ZNF385C: variants seen among roughly 807,000 people sequenced by gnomAD.
ZNF385C encodes the protein zinc finger protein 385C, also known as CTD-2132N18.2.
Under a neutral mutation model 35.4 loss-of-function variants are expected in ZNF385C, and 28 were observed. The ratio of observed to expected loss-of-function variants is 0.79; its 90% confidence interval spans 0.59 to 1.08. The LOEUF (loss-of-function observed/expected upper bound fraction) is 1.08, where lower values mean the gene tolerates loss of function less well. Among genes scored for constraint, ZNF385C ranks in the 50% least tolerant of loss-of-function variants. ZNF385C has a pLI of 0.00. For missense variants in ZNF385C, 605 were observed against 595.6 expected (o/e 1.02, Z -0.16); for synonymous variants, 248 against 248.2 (o/e 1.00, Z 0.01).
intron 2 of ZNF385C, chr17:42,042,965 T>C (rs2053060403): frequency 8.1e-7 from 1 of 1,232,402 alleles, no homozygotes. Flanking sequence ...TCCTTTGCCA[T>C]GCAGTACACA....
chr17:42,093,877 A>C (rs2053889249), intron 1 of ZNF385C, among the ~76,000 whole-genome samples: 2 of 150,298 alleles, frequency 1.3e-5, no homozygotes, highest in Admixed American at 6.6e-5. Context: ...GAGCCACTGC[A>C]CTCGGCCCAT....
chr17:42,037,727 C>T lies in ZNF385C; in HGVS notation c.399+10G>A. 6 of 1,520,066 alleles carry T rather than the reference C, an allele frequency of 3.9e-6. No homozygotes were observed. Among genetic ancestry groups the T allele is most frequent in the Non-Finnish European group, 4.4e-6 (5 of 1,133,084 alleles). 94.2% of individuals were successfully genotyped at this position (1,520,066 alleles called of 1,614,324 possible). On this transcript the variant is annotated intron_variant, in intron 3 of 8. Coordinates refer to ENST00000692273, the MANE Select transcript of ZNF385C (RefSeq NM_001392013.1). ...GTGTGCATGCCCCCACCCGCCAGCC[C>T]AGCCCATACCGTGCTGAAGTTGGGG... is the stretch of plus-strand genomic sequence containing the variant.
rs1051320127 is a variant in ZNF385C at position 42,062,831 on chromosome 17, A to G, written c.226T>C (p.Leu76=). The G allele has an allele frequency of 6.5e-6, 4 of 614,098 alleles. No homozygotes were observed. Among genetic ancestry groups the G allele is most frequent in the African/African-American group, 1.9e-5 (1 of 53,678 alleles). 38.0% of individuals were successfully genotyped at this position (614,098 alleles called of 1,614,324 possible). Residue 76 remains leucine (L), a synonymous_variant, in exon 2 of 9, where the codon TTG becomes CTG. Coordinates refer to ENST00000692273, the MANE Select transcript of ZNF385C (RefSeq NM_001392013.1). ...AHQRRLRQLS[L]GKSPSGPAGP... ...CCTGGCCCTGAGGGGCTCTTCCCCA[A>G]GCTGAGCTGCCGAAGCCGCCTCTGG... is the stretch of plus-strand genomic sequence containing the variant.
intron 3 of ZNF385C, among the ~76,000 whole-genome samples, chr17:42,034,744 A>G (rs1555655263): frequency 6.6e-6 from 1 of 150,676 alleles, no homozygotes; most frequent in Non-Finnish European, 1.5e-5. Context: ...AGAGCAGGCC[A>G]TTACACTCCA....
chr17:42,094,760 C>T (rs2053900327), intron 1 of ZNF385C, among the ~76,000 whole-genome samples: 1 of 152,178 alleles, frequency 6.6e-6, no homozygotes, highest in South Asian at 2.1e-4. Context: ...GCTTGGGGGT[C>T]GAGCCCCACT....
At chr17:42,075,759 G>A (rs1555659223) in intron 1 of ZNF385C, among the ~76,000 whole-genome samples, 2 of 152,164 alleles carry the variant, frequency 1.3e-5, no homozygotes, top group Admixed American at 1.3e-4. Flanking sequence ...CTCTCAAAGT[G>A]CTGGGATTAC....
intron 1 of ZNF385C, among the ~76,000 whole-genome samples, chr17:42,094,735 G>T (rs1401899463): frequency 6.6e-6 from 1 of 152,190 alleles, no homozygotes; most frequent in Non-Finnish European, 1.5e-5. Context: ...TGGGAGACGT[G>T]GGGGGAGCCA....
intron 1 of ZNF385C, among the ~76,000 whole-genome samples, chr17:42,069,288 C>T (rs758795174): frequency 5.3e-5 from 8 of 151,560 alleles, no homozygotes; most frequent in Non-Finnish European, 1.2e-4. Context: ...GGGGGGAGCA[C>T]GCAGGCAGGG....
intron 4 of ZNF385C, among the ~76,000 whole-genome samples, chr17:42,033,780 C>T (rs1358286548): frequency 3.9e-5 from 6 of 151,932 alleles, no homozygotes; most frequent in South Asian, 4.1e-4. Context: ...AAAAAAATCC[C>T]GCCTCCACCC....
At chr17:42,060,110 G>A (rs1446784137) in intron 2 of ZNF385C, among the ~76,000 whole-genome samples, 1 of 152,088 alleles carries the variant, frequency 6.6e-6, no homozygotes, top group East Asian at 1.9e-4. Flanking sequence ...CCCACTCAGT[G>A]TCAGCCCTCC....
chr17:42,089,948 G>A (rs545732821), intron 1 of ZNF385C, among the ~76,000 whole-genome samples: 4 of 152,348 alleles, frequency 2.6e-5, no homozygotes, highest in African/African-American at 9.6e-5. Context: ...TTCAGGGTTA[G>A]TATGTTTTGG....
intron 2 of ZNF385C, chr17:42,042,722 G>A (rs1197815615): frequency 3.8e-6 from 3 of 786,470 alleles, no homozygotes; most frequent in Non-Finnish European, 5.2e-6. Context: ...GTGAAGATAT[G>A]AATGAAATGC....
At chr17:42,077,535 A>G (rs1406183869) in intron 1 of ZNF385C, among the ~76,000 whole-genome samples, 1 of 152,184 alleles carries the variant, frequency 6.6e-6, no homozygotes, top group Non-Finnish European at 1.5e-5. Context: ...GGCCTTTCCC[A>G]AATGTTCAAT....
intron 5 of ZNF385C, among the ~76,000 whole-genome samples, chr17:42,030,965 C>T (rs756218896): frequency 2.0e-4 from 30 of 150,634 alleles, no homozygotes; most frequent in Admixed American, 1.7e-3. Context: ...ATGCTGTCAA[C>T]GCCTTGATTT....
chr17:42,054,506 T>C (rs9911391), intron 2 of ZNF385C, among the ~76,000 whole-genome samples: 110,153 of 151,668 alleles, frequency 0.73, 42,408 homozygotes, highest in South Asian at 0.84. Flanking sequence ...GTTAGTCTAG[T>C]ACCTGGACCC....
intron 5 of ZNF385C, among the ~76,000 whole-genome samples, chr17:42,030,663 C>G (rs2052706353): frequency 6.6e-6 from 1 of 152,220 alleles, no homozygotes; most frequent in Non-Finnish European, 1.5e-5. Context: ...CCCCAAAATT[C>G]ACATCTATCT....
At chr17:42,057,513 CGTGTGT>C (rs57813267) in intron 2 of ZNF385C, among the ~76,000 whole-genome samples, 2 of 146,856 alleles carry the variant, frequency 1.4e-5, no homozygotes, top group Admixed American at 6.7e-5. Flanking sequence ...CGCGCGCGCG[CGTGTGT>C]GTGTGTGTGT....
chr17:42,043,329 G>A, intron 2 of ZNF385C: 4 of 1,232,236 alleles, frequency 3.2e-6, no homozygotes, highest in Non-Finnish European at 3.0e-6. Context: ...TACACTTCTT[G>A]TTGGAGTTGG....
At chr17:42,056,138 T>C (rs2053371993) in intron 2 of ZNF385C, among the ~76,000 whole-genome samples, 1 of 152,260 alleles carries the variant, frequency 6.6e-6, no homozygotes, top group African/African-American at 2.4e-5. Flanking sequence ...TGTGTCATGT[T>C]GCAATGGATG....
Sources: gnomAD v4.1 joint callset for allele counts (sites outside exome capture counted in the v4.1 genomes callset) on GRCh38, gnomAD v4.1.1 for gene constraint, MANE v1.5 for transcripts, NCBI Gene and HGNC (gene_info 2026-07-23, HGNC 2026-07-21) for gene names.